The following TENT4B variants were observed in gnomAD, a reference collection of about 807,000 sequenced individuals.
The protein encoded by TENT4B is terminal nucleotidyltransferase 4B.
In TENT4B, 10 loss-of-function variants were observed where a neutral mutation model predicts 75.0. That is an observed-to-expected ratio of 0.13 (90% CI 0.08 to 0.23). TENT4B has a LOEUF of 0.23. TENT4B is among the 10% of genes least tolerant of loss of function. The pLI, the probability that TENT4B is intolerant of heterozygous loss-of-function variation, is 1.00. For synonymous variants in TENT4B, 350 were observed against 357.7 expected (o/e 0.98, Z 0.24); for missense variants, 579 against 893.8 (o/e 0.65, Z 4.49).
At chr16:50,192,389 T>G (rs1172202120) in intron 1 of TENT4B, among the ~76,000 whole-genome samples, 1 of 152,206 alleles carries the variant, frequency 6.6e-6, no homozygotes, top group Non-Finnish European at 1.5e-5. Context: ...AGTGCACTTC[T>G]AAAAACTTTA....
At chr16:50,206,354 A>ATTTT (rs35118426) in intron 1 of TENT4B, among the ~76,000 whole-genome samples, 52 of 96,494 alleles carry the variant, frequency 5.4e-4, no homozygotes, top group East Asian at 9.2e-4. Context: ...ATATGTATGT[A>ATTTT]TTTTTTTTTT....
In TENT4B at chr16:50,179,191, C is replaced by T. The variant is rs540697302; in HGVS notation, c.638+24932C>T. On this transcript the variant is annotated intron_variant, in intron 1 of 11. Transcript: ENST00000561678. ...CAGCCTGACCAACATGGAGAAACCC[C>T]GTCTCTACTAAAAATACAAAATTAG... 2.9e-4 allele frequency among the ~76,000 whole-genome samples: 44 copies of T among 152,134 alleles called. No homozygotes were observed. In the East Asian group the frequency reaches 2.9e-3, roughly 10 times the overall value.
intron 1 of TENT4B, among the ~76,000 whole-genome samples, chr16:50,194,518 A>C (rs1007107479): frequency 9.6e-5 from 14 of 146,124 alleles, no homozygotes; most frequent in East Asian, 2.1e-4. Flanking sequence ...CCTGGCCATT[A>C]TTTCTTTCTT....
At chr16:50,184,381 G>A (rs1242775121) in intron 1 of TENT4B, among the ~76,000 whole-genome samples, 1 of 152,058 alleles carries the variant, frequency 6.6e-6, no homozygotes, top group Non-Finnish European at 1.5e-5. Flanking sequence ...TAAGAGTAAT[G>A]CTGCCGGCCG....
chr16:50,196,345 G>A (rs1349087562), intron 1 of TENT4B, among the ~76,000 whole-genome samples: 5 of 93,970 alleles, frequency 5.3e-5, no homozygotes, highest in African/African-American at 1.4e-4. Context: ...TACCTAATTA[G>A]GAGTGTGAAA....
At chr16:50,165,346 C>CT (rs1298832747) in intron 1 of TENT4B, among the ~76,000 whole-genome samples, 2 of 151,850 alleles carry the variant, frequency 1.3e-5, no homozygotes, top group Non-Finnish European at 2.9e-5. Flanking sequence ...GACATTATTT[C>CT]TTTTTTATCA....
At chr16:50,221,089 C>G (rs952819884) in intron 5 of TENT4B, among the ~76,000 whole-genome samples, 2 of 152,008 alleles carry the variant, frequency 1.3e-5, no homozygotes, top group Non-Finnish European at 2.9e-5. Flanking sequence ...GAGTTCAAGA[C>G]CAGCCCGGGC....
chr16:50,224,989 G>A lies in TENT4B; in HGVS notation c.1607G>A (p.Cys536Tyr), dbSNP rs2031983448. ...TTGAAGAATAGACCTGAGCCTTCAT[G>A]CAATGGTAAGATATTTTCCTTGGTC... ...WGLKNRPEPS[C>Y]NGNGVTLIVD... Residue 536 changes from cysteine to tyrosine, a missense_variant, in exon 9 of 12, where the codon TGC becomes TAC. This residue lies in a region of TENT4B where 164 missense variants were observed against 226.5 expected (regional missense o/e 0.72). Coordinates refer to ENST00000561678, the MANE Select transcript of TENT4B (RefSeq NM_001365324.3). The A allele has an allele frequency of 2.5e-6, 4 of 1,613,202 alleles. No homozygotes were observed. In the Middle Eastern group the frequency reaches 4.9e-4, roughly 199 times the overall value.
chr16:50,214,177 CT>C, intron 2 of TENT4B, 43 bp from the exon 3 acceptor site: 1 of 1,425,756 alleles, frequency 7.0e-7, no homozygotes, highest in Non-Finnish European at 9.8e-7. Context: ...ATGATAACAA[CT>C]TCTGATAACT....
chr16:50,232,632 C>A lies in TENT4B; in HGVS notation c.*3304C>A, dbSNP rs1007786107. Reference sequence around the variant, plus strand: ...GAGGGTCAGAAAAGAGTAATGACCACCGTGACGTGCAGGATTCTCTTGCTG... The same window carrying A: ...GAGGGTCAGAAAAGAGTAATGACCAACGTGACGTGCAGGATTCTCTTGCTG... On this transcript the variant is annotated 3_prime_UTR_variant, in exon 12 of 12. Coordinates refer to ENST00000561678, the MANE Select transcript of TENT4B (RefSeq NM_001365324.3). The A allele has an allele frequency of 4.1e-6, 4 of 985,292 alleles. No homozygotes were observed. The highest frequency in any genetic ancestry group is 4.8e-6 in the Non-Finnish European group (4 of 829,912). 61.0% of individuals were successfully genotyped at this position (985,292 alleles called of 1,614,324 possible). A position where few individuals can be genotyped will look rare whatever the true frequency, so the allele number is the denominator to read the frequency against.
At chr16:50,153,183 T>TGGGGGGGGGGGGGGGGGGGGGGGG (rs760198722), upstream of TENT4B, among the ~76,000 whole-genome samples, 3 of 21,122 alleles carry the variant, frequency 1.4e-4, no homozygotes, top group Admixed American at 8.7e-4. Context: ...GGCGGGGCGG[T>TGGGGGGGGGGGGGGGGGGGGGGGG]GGGGGGGGGG....
In TENT4B at chr16:50,224,756, A is replaced by G; in HGVS notation, c.1481A>G (p.Lys494Arg). 1 of 1,614,046 alleles carries G rather than the reference A, an allele frequency of 6.2e-7. No individual in the cohort carries two copies. Among genetic ancestry groups the G allele is most frequent in the Non-Finnish European group, 8.5e-7 (1 of 1,179,894 alleles). ...VLSHAVSPIA[K>R]YYPNNETESI... ...AGTCATGCTGTATCACCAATAGCAA[A>G]GTACTATCCCAACAATGAAACAGAA... Residue 494 changes from lysine to arginine, a missense_variant, in exon 8 of 12, where the codon AAG (lysine) becomes AGG (arginine). By Grantham distance (26) the Lys-to-Arg change is conservative. This residue lies in a region of TENT4B where 71 missense variants were observed against 210.6 expected (regional missense o/e 0.34). Transcript: ENST00000561678.
chr16:50,185,007 GAAAAT>G (rs937308778), intron 1 of TENT4B, among the ~76,000 whole-genome samples: 1 of 152,110 alleles, frequency 6.6e-6, no homozygotes, highest in African/African-American at 2.4e-5. Context: ...TGCCTAAAAA[GAAAAT>G]AAAAGACCTG....
At position 50,229,339 on chromosome 16, in the gene TENT4B, G is replaced by A. The variant is rs370646721; in HGVS notation, c.*11G>A. 78 of 1,602,520 alleles carry A rather than the reference G, an allele frequency of 4.9e-5. No homozygotes were observed. Among genetic ancestry groups the A allele is most frequent in the Middle Eastern group, 1.7e-4 (1 of 5,806 alleles). ...GACCTCTGTAGATAGTCAGCGCTGC[G>A]CGGTGGACTGTCTTCTCTGTGCAAT... On this transcript the variant is annotated 3_prime_UTR_variant, in exon 12 of 12. Transcript: ENST00000561678.
At chr16:50,166,416 A>G (rs1240099727) in intron 1 of TENT4B, among the ~76,000 whole-genome samples, 2 of 152,116 alleles carry the variant, frequency 1.3e-5, no homozygotes, top group African/African-American at 2.4e-5. Context: ...CTTCTTTATT[A>G]TAGCCAATCT....
intron 1 of TENT4B, among the ~76,000 whole-genome samples, chr16:50,178,808 G>A (rs1396022620): frequency 1.3e-5 from 2 of 152,172 alleles, no homozygotes; most frequent in Non-Finnish European, 2.9e-5. Context: ...GGCCTGTGGG[G>A]AGGAGGGAAT....
chr16:50,169,378 A>AT lies in TENT4B; in HGVS notation c.638+15123dup, dbSNP rs1309035871. Among the ~76,000 whole-genome samples the AT allele has an allele frequency of 1.2e-4, 7 of 58,382 alleles. No individual in the cohort carries two copies. In the East Asian group the frequency reaches 2.2e-3, roughly 18 times the overall value. The allele number at this position is 58,382 out of a possible 152,430, so 38.3% of individuals were successfully genotyped here. On this transcript the variant is annotated intron_variant, in intron 1 of 11. Transcript: ENST00000561678. ...TAACTAGATCTAGAGATTTGTTTAGATTTTGTGGGTTTTTTTTTTTTTTTT... is the reference window on the plus strand; with the variant it reads ...TAACTAGATCTAGAGATTTGTTTAGATTTTTGTGGGTTTTTTTTTTTTTTTT...
chr16:50,207,431 C>A (rs2031044273), intron 1 of TENT4B, among the ~76,000 whole-genome samples: 1 of 152,138 alleles, frequency 6.6e-6, no homozygotes, highest in Admixed American at 6.6e-5. Context: ...GATCCACCCG[C>A]CTCAGCCTCA....
intron 1 of TENT4B, among the ~76,000 whole-genome samples, chr16:50,181,030 C>T (rs146366347): frequency 4.9e-4 from 75 of 152,242 alleles, no homozygotes; most frequent in African/African-American, 1.7e-3. Context: ...ATGTGGGCCA[C>T]AGACATTATT....
Sources: allele counts gnomAD v4.1 joint callset (sites outside exome capture counted in the v4.1 genomes callset), GRCh38; gene constraint gnomAD v4.1.1; regional missense constraint gnomAD v4.1.1; transcripts MANE v1.5; gene names NCBI Gene and HGNC (gene_info 2026-07-23, HGNC 2026-07-21).